SLC6A11: variants seen among roughly 807,000 people sequenced by gnomAD.
The protein encoded by SLC6A11 is sodium- and chloride-dependent GABA transporter 3.
A neutral mutation model predicts 74.8 loss-of-function variants in SLC6A11; 25 were observed. That is an observed-to-expected ratio of 0.33 (90% CI 0.24 to 0.47). The LOEUF (loss-of-function observed/expected upper bound fraction) is 0.47. Among genes scored for constraint, SLC6A11 ranks in the 20% least tolerant of loss-of-function variants. The pLI, the probability that SLC6A11 is intolerant of heterozygous loss-of-function variation, is 1.00. For synonymous variants in SLC6A11, 330 were observed against 330.2 expected (o/e 1.00, Z 0.01); for missense variants, 574 against 837.0 (o/e 0.69, Z 3.88).
intron 3 of SLC6A11, among the ~76,000 whole-genome samples, chr3:10,820,685 A>C (rs964682290): frequency 2.0e-5 from 3 of 152,212 alleles, no homozygotes; most frequent in Admixed American, 6.5e-5. Context: ...AGAAAGGCAT[A>C]TCCCTGCCCA....
intron 6 of SLC6A11, among the ~76,000 whole-genome samples, chr3:10,891,584 G>A (rs1193707825): frequency 6.6e-6 from 1 of 152,098 alleles, no homozygotes; most frequent in Non-Finnish European, 1.5e-5. Context: ...ACTCCATAAA[G>A]CTCATTTATT....
At chr3:10,919,508 G>T (rs1450439920) in intron 8 of SLC6A11, among the ~76,000 whole-genome samples, 1 of 152,166 alleles carries the variant, frequency 6.6e-6, no homozygotes, top group Non-Finnish European at 1.5e-5. Flanking sequence ...GGCTATTTAG[G>T]TTTGGCATGT....
At chr3:10,906,405 A>G (rs1393229739) in intron 6 of SLC6A11, among the ~76,000 whole-genome samples, 2 of 152,248 alleles carry the variant, frequency 1.3e-5, no homozygotes, top group African/African-American at 4.8e-5. Flanking sequence ...TGCCAACAGC[A>G]GTGACATCTG....
At chr3:10,850,917 G>A (rs941497315) in intron 5 of SLC6A11, among the ~76,000 whole-genome samples, 1 of 152,122 alleles carries the variant, frequency 6.6e-6, no homozygotes, top group Non-Finnish European at 1.5e-5. Context: ...GAGAGAGCTG[G>A]TCAGATCAGA....
chr3:10,918,218 CA>C lies in SLC6A11; in HGVS notation c.996-110del. 1 of 1,258,840 alleles carries C rather than the reference CA, an allele frequency of 7.9e-7. No individual in the cohort carries two copies. Among genetic ancestry groups the C allele is most frequent in the Non-Finnish European group, 1.1e-6 (1 of 942,396 alleles). The allele number at this position is 1,258,840 out of a possible 1,614,324, so 78.0% of individuals were successfully genotyped here. A position where few individuals can be genotyped will look rare whatever the true frequency, so the allele number is the denominator to read the frequency against. ...AGAAAAACAGAGCTCCCTGTGCCTG[CA>C]CTTCCCTGCCTGCCTCACAGGACAG... On this transcript the variant is annotated intron_variant, in intron 7 of 13. Coordinates refer to ENST00000254488, the MANE Select transcript of SLC6A11 (RefSeq NM_014229.3). The surrounding 1 kb of genome is among the most constrained non-coding windows in gnomAD (Gnocchi z 4.5).
Position 10,853,750 on chromosome 3 carries a change from C to T in SLC6A11, c.756+9404C>T, listed in dbSNP as rs116231863. Among the ~76,000 whole-genome samples the T allele has an allele frequency of 1.2e-3, 184 of 152,336 alleles. 1 individual carries two copies. Among genetic ancestry groups the T allele is most frequent in the African/African-American group, 4.1e-3 (171 of 41,576 alleles). ...TCTCCTGGACATAAAGTCACCTGAC[C>T]ATGGATGTGAATCACATCTATGAAA... is the stretch of plus-strand genomic sequence containing the variant. On this transcript the variant is annotated intron_variant, in intron 5 of 13. Coordinates refer to ENST00000254488, the MANE Select transcript of SLC6A11 (RefSeq NM_014229.3).
chr3:10,838,457 C>G (rs144446004), intron 4 of SLC6A11, among the ~76,000 whole-genome samples: 2 of 152,198 alleles, frequency 1.3e-5, no homozygotes, highest in African/African-American at 4.8e-5. Context: ...TTTCAACTCT[C>G]AATCTGGGGG....
intron 8 of SLC6A11, among the ~76,000 whole-genome samples, chr3:10,921,404 A>G (rs1695535262): frequency 6.6e-6 from 1 of 152,236 alleles, no homozygotes; most frequent in Non-Finnish European, 1.5e-5. Context: ...GCAAAGTGAT[A>G]TGTTATTAAC....
chr3:10,906,011 G>A (rs1432883157), intron 6 of SLC6A11, among the ~76,000 whole-genome samples: 1 of 152,122 alleles, frequency 6.6e-6, no homozygotes, highest in Non-Finnish European at 1.5e-5. Context: ...TGTAGCCCTA[G>A]ACTTTCCATG....
chr3:10,875,890 C>T (rs1339254147), intron 6 of SLC6A11, among the ~76,000 whole-genome samples: 1 of 152,190 alleles, frequency 6.6e-6, no homozygotes, highest in African/African-American at 2.4e-5. Flanking sequence ...ATAACCCAGA[C>T]CAATTAAAAT....
Position 10,821,992 on chromosome 3 carries a change from ATAGT to A in SLC6A11, c.533-1306_533-1303del, listed in dbSNP as rs545804665. Among the ~76,000 whole-genome samples the A allele has an allele frequency of 3.4e-3, 517 of 152,320 alleles. 3 individuals carry two copies. The highest frequency in any genetic ancestry group is 0.01 in the Admixed American group (160 of 15,296). On this transcript the variant is annotated intron_variant, in intron 3 of 13. Coordinates refer to ENST00000254488, the MANE Select transcript of SLC6A11 (RefSeq NM_014229.3). Reference sequence around the variant, plus strand: ...CCCCCAGACCACCTCCTTTCAGAACATAGTTAGCACTTGCCAAGAGGAGCAAGAA... The same window carrying A: ...CCCCCAGACCACCTCCTTTCAGAACATAGCACTTGCCAAGAGGAGCAAGAA...
At chr3:10,904,880 A>G (rs1265172738) in intron 6 of SLC6A11, among the ~76,000 whole-genome samples, 1 of 152,244 alleles carries the variant, frequency 6.6e-6, no homozygotes, top group East Asian at 1.9e-4. Flanking sequence ...CACTTCTGAA[A>G]AAATGGAGAC....
Position 10,918,245 on chromosome 3 carries a change from C to T in SLC6A11, c.996-84C>T. ...CTTCCCTGCCTGCCTCACAGGACAG[C>T]CATGGTGCTCGGGTGGAGAACGTTT... On this transcript the variant is annotated intron_variant, in intron 7 of 13. Coordinates refer to ENST00000254488, the MANE Select transcript of SLC6A11 (RefSeq NM_014229.3). The surrounding 1 kb of genome is among the most constrained non-coding windows in gnomAD (Gnocchi z 4.5). 7.0e-7 allele frequency: 1 copy of T among 1,427,702 alleles called. No individual in the cohort carries two copies. The highest frequency in any genetic ancestry group is 9.2e-7 in the Non-Finnish European group (1 of 1,081,780). The allele number at this position is 1,427,702 out of a possible 1,614,324, so 88.4% of individuals were successfully genotyped here. A position where few individuals can be genotyped will look rare whatever the true frequency, so the allele number is the denominator to read the frequency against.
intron 6 of SLC6A11, among the ~76,000 whole-genome samples, chr3:10,886,338 C>T (rs1354754069): frequency 6.6e-6 from 1 of 152,136 alleles, no homozygotes; most frequent in Non-Finnish European, 1.5e-5. Context: ...GTCAAGGAGC[C>T]CTCTGTGGCC....
At chr3:10,825,698 A>G (rs1301704097) in intron 4 of SLC6A11, among the ~76,000 whole-genome samples, 1 of 152,230 alleles carries the variant, frequency 6.6e-6, no homozygotes, top group Non-Finnish European at 1.5e-5. Flanking sequence ...AATATAATCC[A>G]TCTGGAATTT....
At chr3:10,929,472 C>A in intron 10 of SLC6A11, 133 bp downstream of exon 10, 1 of 935,512 alleles carries the variant, frequency 1.1e-6, no homozygotes, top group Non-Finnish European at 1.6e-6. Context: ...TTCCTCCTAG[C>A]GGGTCATGGT....
At chr3:10,840,721 T>G (rs866657986) in intron 4 of SLC6A11, among the ~76,000 whole-genome samples, 8 of 152,162 alleles carry the variant, frequency 5.3e-5, no homozygotes, top group African/African-American at 1.4e-4. Context: ...AGGCTGAAAG[T>G]GTGGGCTCTG....
intron 4 of SLC6A11, among the ~76,000 whole-genome samples, chr3:10,828,571 G>A (rs1694248211): frequency 6.6e-6 from 1 of 152,070 alleles, no homozygotes; most frequent in Non-Finnish European, 1.5e-5. Flanking sequence ...CTCCACACTG[G>A]CCTTCTTTCT....
At chr3:10,910,117 G>A (rs937345872) in intron 6 of SLC6A11, among the ~76,000 whole-genome samples, 1 of 152,104 alleles carries the variant, frequency 6.6e-6, no homozygotes, top group Admixed American at 6.5e-5. Context: ...CTCTCCTTAA[G>A]TTCCTCACAG....
Sources: gnomAD v4.1 joint callset for allele counts (sites outside exome capture counted in the v4.1 genomes callset) on GRCh38, gnomAD v4.1.1 for gene constraint, Gnocchi (gnomAD v3.1) non-coding constraint, MANE v1.5 for transcripts, NCBI Gene and HGNC (gene_info 2026-07-23, HGNC 2026-07-21) for gene names.